Variants in ZNF790 observed in about 807,000 individuals in gnomAD.
ZNF790 encodes the protein zinc finger protein 790.
Under a neutral mutation model 12.1 loss-of-function variants are expected in ZNF790, and 8 were observed. The ratio of observed to expected loss-of-function variants is 0.66; its 90% CI spans 0.39 to 1.19. The LOEUF (loss-of-function observed/expected upper bound fraction) is 1.19. ZNF790 is among the 50% of genes most tolerant of loss of function. The probability of loss-of-function intolerance (pLI) is 0.01; values close to 1 mark genes in which losing one functional copy is unlikely to be tolerated. For synonymous variants in ZNF790, 252 were observed against 244.3 expected (o/e 1.03, Z -0.29); for missense variants, 707 against 752.2 (o/e 0.94, Z 0.70).
rs532999240 is a variant in ZNF790, at chr19:36,838,156, C to T, written c.-74+181G>A. ...CACACACACACACACAAGCTCCCGTCGCGGCCCCAGCTCCTGCATCAATTT... is the reference window on the plus strand; with the variant it reads ...CACACACACACACACAAGCTCCCGTTGCGGCCCCAGCTCCTGCATCAATTT... On this transcript the variant is annotated intron_variant, in intron 1 of 4. Transcript: ENST00000356725. This position sits in a 1 kb window ranked among gnomAD's most constrained non-coding sequence, Gnocchi z 4.4. 2.4e-3 allele frequency: 363 copies of T among 152,794 alleles called. 1 individual carries two copies. The highest frequency in any genetic ancestry group is 0.01 in the South Asian group (50 of 4,856). 9.5% of individuals were successfully genotyped at this position (152,794 alleles called of 1,614,324 possible).
intron 4 of ZNF790, among the ~76,000 whole-genome samples, chr19:36,821,258 T>C (rs1004365251): frequency 2.0e-5 from 3 of 152,036 alleles, no homozygotes; most frequent in African/African-American, 4.8e-5. Flanking sequence ...AAAGGCAGTT[T>C]AGTTACAAAG....
chr19:36,844,887 A>G (rs1443109617), intron 1 of ZNF790, among the ~76,000 whole-genome samples: 1 of 150,212 alleles, frequency 6.7e-6, no homozygotes, highest in Admixed American at 6.6e-5. Flanking sequence ...TCTCTACTAA[A>G]AATACAAAAA....
At position 36,819,025 on chromosome 19, in the gene ZNF790, T is replaced by C. The variant is rs372461377; in HGVS notation, c.1319A>G (p.His440Arg). ...TFTWASYLAQHEKIHNERKSY... is the reference protein window; with the variant it reads ...TFTWASYLAQREKIHNERKSY... ...TTTCCTCTCATTGTGAATTTTCTCA[T>C]GTTGAGCAAGATACGAAGCCCAAGT... The change falls in exon 5 of 5, where the codon CAT becomes CGT. Residue 440 changes from histidine to arginine, a missense_variant. Physicochemically the swap from His to Arg is conservative, Grantham distance 29. Transcript: ENST00000356725. 41 of 1,614,060 alleles carry C rather than the reference T, an allele frequency of 2.5e-5. No individual in the cohort carries two copies. Among genetic ancestry groups the C allele is most frequent in the Admixed American group, 6.7e-5 (4 of 60,002 alleles).
chr19:36,839,512 C>T (rs2072109997), upstream of ZNF790, among the ~76,000 whole-genome samples: 1 of 152,128 alleles, frequency 6.6e-6, no homozygotes. Context: ...GTGATCCTCC[C>T]ACCTCAGCCT....
At position 36,820,892 on chromosome 19, in the gene ZNF790, C is replaced by CTT. The variant is rs1161286902; in HGVS notation, c.230-780_230-779dup. Among the ~76,000 whole-genome samples, 738 of 126,982 alleles carry CTT rather than the reference C, an allele frequency of 5.8e-3. 4 individuals carry two copies. The highest frequency in any genetic ancestry group is 0.019 in the African/African-American group (634 of 33,394). The allele number at this position is 126,982 out of a possible 152,430, so 83.3% of individuals were successfully genotyped here. A position where few individuals can be genotyped will look rare whatever the true frequency, so the allele number is the denominator to read the frequency against. On this transcript the variant is annotated intron_variant, in intron 4 of 4. Transcript: ENST00000356725. ...CATGGGTGACAGAGTGAGACCCTGT[C>CTT]TTTTTTTTTTTTTTTTTTTTAATAC... is the stretch of plus-strand genomic sequence containing the variant.
intron 1 of ZNF790, among the ~76,000 whole-genome samples, chr19:36,844,297 C>A (rs1463127871): frequency 1.4e-5 from 2 of 147,770 alleles, no homozygotes; most frequent in African/African-American, 5.0e-5. Context: ...AGCAATAAAG[C>A]AAGACCCTGT....
At chr19:36,827,137 C>CATATATAT (rs1568338007) in intron 1 of ZNF790, among the ~76,000 whole-genome samples, 27 of 72,580 alleles carry the variant, frequency 3.7e-4, no homozygotes, top group African/African-American at 1.5e-3. Context: ...CACACACACA[C>CATATATAT]ACACATATAT....
intron 1 of ZNF790, among the ~76,000 whole-genome samples, chr19:36,849,485 C>T (rs971935439): frequency 4.6e-5 from 7 of 151,816 alleles, no homozygotes; most frequent in African/African-American, 1.7e-4. Flanking sequence ...ATTTATCTTC[C>T]CCATATGCAT....
At chr19:36,832,529 G>C (rs1406160655) in intron 1 of ZNF790, among the ~76,000 whole-genome samples, 2 of 152,146 alleles carry the variant, frequency 1.3e-5, no homozygotes, top group Non-Finnish European at 2.9e-5. Flanking sequence ...TACATGGTGA[G>C]AAACTGAAGT....
rs746382511 is a variant in ZNF790, at chr19:36,819,180, A to G, written c.1164T>C (p.His388=). Reference sequence around the variant, plus strand: ...CACATTTATAAGGTTTCCTACCAACATGAACATTCTGATGTTGAGCAAGAT... The same window carrying G: ...CACATTTATAAGGTTTCCTACCAACGTGAACATTCTGATGTTGAGCAAGAT... ...GSNLAQHQNV[H]VGRKPYKCEK... is the part of the protein sequence containing the mutation. The change falls in exon 5 of 5, where the codon CAT becomes CAC. Residue 388 remains histidine (H), a synonymous_variant. Transcript: ENST00000356725. 1 of 1,614,128 alleles carries G rather than the reference A, an allele frequency of 6.2e-7. No individual in the cohort carries two copies. Among genetic ancestry groups the G allele is most frequent in the East Asian group, 2.2e-5 (1 of 44,872 alleles).
chr19:36,830,921 C>T (rs11882652), intron 1 of ZNF790, among the ~76,000 whole-genome samples: 2,245 of 152,252 alleles, frequency 0.015, 45 homozygotes, highest in African/African-American at 0.05. Flanking sequence ...GGGCGGATCA[C>T]GAGGTCAGGA....
chr19:36,817,710 A>T lies in ZNF790; in HGVS notation c.*723T>A, dbSNP rs576886139. ...TGTATTGAAACAAGACATGCCAAAT[A>T]AATTGTATGACATAGTTCAAGGCTT... On this transcript the variant is annotated 3_prime_UTR_variant, in exon 5 of 5. Coordinates refer to ENST00000356725, the MANE Select transcript of ZNF790 (RefSeq NM_206894.4). The T allele has an allele frequency of 2.7e-4, 41 of 152,284 alleles. No homozygotes were observed. Among genetic ancestry groups the T allele is most frequent in the African/African-American group, 9.6e-4 (40 of 41,568 alleles). The allele number at this position is 152,284 out of a possible 1,614,324, so 9.4% of individuals were successfully genotyped here.
chr19:36,827,030 AG>A (rs1330851737), intron 1 of ZNF790, among the ~76,000 whole-genome samples: 1 of 149,920 alleles, frequency 6.7e-6, no homozygotes, highest in Non-Finnish European at 1.5e-5. Context: ...TGGGAAGAGA[AG>A]GGAAAATATA....
intron 1 of ZNF790, among the ~76,000 whole-genome samples, chr19:36,835,973 T>G (rs2072036474): frequency 6.6e-6 from 1 of 151,956 alleles, no homozygotes; most frequent in East Asian, 1.9e-4. Flanking sequence ...CTTTGCAAAG[T>G]CCTTTTTGCC....
At chr19:36,836,497 G>A (rs576609286) in intron 1 of ZNF790, among the ~76,000 whole-genome samples, 69 of 151,526 alleles carry the variant, frequency 4.6e-4, no homozygotes, top group African/African-American at 1.2e-3. Context: ...GGTGGCTCAC[G>A]CCTGTAATCC....
chr19:36,848,453 A>G (rs1422542619), intron 1 of ZNF790, among the ~76,000 whole-genome samples: 1 of 152,066 alleles, frequency 6.6e-6, no homozygotes. Flanking sequence ...TTTAGGAGAC[A>G]TTGGTGGGGT....
upstream of ZNF790, among the ~76,000 whole-genome samples, chr19:36,839,425 G>A (rs538881911): frequency 2.6e-5 from 4 of 152,068 alleles, no homozygotes. Context: ...TTTTGAGACA[G>A]GGTCTGGCTT....
At chr19:36,848,817 G>C (rs192791797) in intron 1 of ZNF790, among the ~76,000 whole-genome samples, 2 of 151,658 alleles carry the variant, frequency 1.3e-5, no homozygotes, top group South Asian at 4.2e-4. Context: ...TTTTTGAGAC[G>C]GAGTCTCACT....
At chr19:36,838,644 A>C (rs1237980493), upstream of ZNF790, among the ~76,000 whole-genome samples, 1 of 152,214 alleles carries the variant, frequency 6.6e-6, no homozygotes, top group East Asian at 1.9e-4. This position sits in a 1 kb window ranked among gnomAD's most constrained non-coding sequence, Gnocchi z 4.4. Flanking sequence ...CTACCTCTGC[A>C]AAAGGCTCCC....
Sources: gnomAD v4.1 joint callset for allele counts (sites outside exome capture counted in the v4.1 genomes callset) on GRCh38, gnomAD v4.1.1 for gene constraint, Gnocchi (gnomAD v3.1) non-coding constraint, MANE v1.5 for transcripts, NCBI Gene and HGNC (gene_info 2026-07-23, HGNC 2026-07-21) for gene names.